SPTLC1: variants seen among roughly 807,000 people sequenced by gnomAD.
SPTLC1 encodes serine palmitoyltransferase long chain base subunit 1, also known as serine palmitoyltransferase 1.
Under a neutral mutation model 68.9 loss-of-function variants are expected in SPTLC1, and 55 were observed. The ratio of observed to expected loss-of-function variants is 0.80; its 90% CI spans 0.64 to 1.00. The LOEUF (loss-of-function observed/expected upper bound fraction) is 1.00, where lower values mean the gene tolerates loss of function less well. Ranked by LOEUF, SPTLC1 falls within the 50% of genes least tolerant of loss-of-function variation. SPTLC1 has a pLI of 0.00. For synonymous variants in SPTLC1, 197 were observed against 201.6 expected, an observed-to-expected ratio of 0.98 and a Z score of 0.19; for missense variants, 449 against 573.1, an observed-to-expected ratio of 0.78 and a Z score of 2.21.
Position 92,085,702 on chromosome 9 carries a change from A to G in SPTLC1, c.261-4739T>C, listed in dbSNP as rs567751965. Reference sequence around the variant, plus strand: ...TGGAATAGGTGTGGTGTGGTGCTGAAAAAAATGTATATTCTGTTGATTTGG... The same window carrying G: ...TGGAATAGGTGTGGTGTGGTGCTGAGAAAAATGTATATTCTGTTGATTTGG... On this transcript the variant is annotated intron_variant, in intron 3 of 14. Transcript: ENST00000262554. Among the ~76,000 whole-genome samples the G allele has an allele frequency of 2.6e-5, 4 of 151,990 alleles. No individual in the cohort carries two copies. In the South Asian group the frequency reaches 6.3e-4, roughly 24 times the overall value.
At chr9:92,086,794 T>C (rs1177923510) in intron 3 of SPTLC1, among the ~76,000 whole-genome samples, 4 of 152,336 alleles carry the variant, frequency 2.6e-5, no homozygotes, top group East Asian at 3.9e-4. Context: ...TGGCCTGCCT[T>C]GCTAGATTGG....
chr9:92,081,842 G>GA (rs1834896332), intron 3 of SPTLC1, among the ~76,000 whole-genome samples: 1 of 152,116 alleles, frequency 6.6e-6, no homozygotes, highest in Non-Finnish European at 1.5e-5. Flanking sequence ...ACTGTAGCCA[G>GA]AAAAAATGGA....
chr9:92,103,056 G>A (rs866727814), intron 3 of SPTLC1, among the ~76,000 whole-genome samples: 13 of 152,318 alleles, frequency 8.5e-5, no homozygotes, highest in Middle Eastern at 6.8e-3. Context: ...CTATGAACTC[G>A]TAAATAATGT....
At chr9:92,059,042 C>T (rs1833994418) in intron 7 of SPTLC1, 137 bp downstream of exon 7, 4 of 1,035,002 alleles carry the variant, frequency 3.9e-6, no homozygotes, top group Admixed American at 2.2e-5. Flanking sequence ...ACACCAAGTA[C>T]ATTTAATAAG....
intron 8 of SPTLC1, among the ~76,000 whole-genome samples, chr9:92,054,801 T>G (rs1438285395): frequency 2.0e-5 from 3 of 152,186 alleles, no homozygotes; most frequent in African/African-American, 7.2e-5. Context: ...TAGTTCCAGC[T>G]ACTCGGGAGG....
At chr9:92,070,965 A>AT (rs756076843) in intron 5 of SPTLC1, among the ~76,000 whole-genome samples, 1 of 152,078 alleles carries the variant, frequency 6.6e-6, no homozygotes, top group Non-Finnish European at 1.5e-5. Flanking sequence ...CAAGGAGGAG[A>AT]GATTACGGCC....
intron 5 of SPTLC1, among the ~76,000 whole-genome samples, chr9:92,072,250 G>A (rs568568339): frequency 2.0e-5 from 3 of 152,108 alleles, no homozygotes; most frequent in East Asian, 1.9e-4. Flanking sequence ...CAGCCCCCGC[G>A]AACACTCCCA....
At chr9:92,041,873 TA>T (rs1047445245) in intron 12 of SPTLC1, among the ~76,000 whole-genome samples, 7 of 151,896 alleles carry the variant, frequency 4.6e-5, no homozygotes, top group Admixed American at 2.6e-4. Flanking sequence ...TTAATAGATG[TA>T]AAAAAAATGG....
chr9:92,059,066 A>G, intron 7 of SPTLC1, 113 bp downstream of exon 7: 2 of 1,256,270 alleles, frequency 1.6e-6, no homozygotes, highest in Non-Finnish European at 2.2e-6. Context: ...GAACACCTTA[A>G]TATCCAAATG....
chr9:92,069,416 C>T (rs1405671600), intron 5 of SPTLC1, among the ~76,000 whole-genome samples: 1 of 152,140 alleles, frequency 6.6e-6, no homozygotes. Context: ...TTTCATTACA[C>T]CAACATTAAA....
intron 8 of SPTLC1, among the ~76,000 whole-genome samples, chr9:92,052,655 G>A (rs990644528): frequency 7.3e-5 from 11 of 151,268 alleles, no homozygotes; most frequent in African/African-American, 2.4e-4. Flanking sequence ...TCAGCCTCCC[G>A]AGTAGCTGGG....
At chr9:92,108,581 A>G (rs1282742897) in intron 3 of SPTLC1, 159 bp downstream of exon 3, 11 of 926,402 alleles carry the variant, frequency 1.2e-5, no homozygotes, top group Non-Finnish European at 1.8e-5. Context: ...TCATCCCTAG[A>G]ATAAATTTTT....
At chr9:92,103,682 C>T (rs1188652945) in intron 3 of SPTLC1, among the ~76,000 whole-genome samples, 1 of 152,242 alleles carries the variant, frequency 6.6e-6, no homozygotes, top group Non-Finnish European at 1.5e-5. Context: ...GCCCTTGAGG[C>T]CACGGCAGCC....
intron 3 of SPTLC1, among the ~76,000 whole-genome samples, chr9:92,097,385 A>ATTATTTT (rs1835567562): frequency 6.6e-6 from 1 of 152,224 alleles, no homozygotes; most frequent in Admixed American, 6.5e-5. Flanking sequence ...TAGCAGTTTT[A>ATTATTTT]TTATTTTTTA....
chr9:92,115,189 G>A (rs1216536113), intron 1 of SPTLC1, 125 bp downstream of exon 1: 19 of 808,024 alleles, frequency 2.4e-5, no homozygotes, highest in Non-Finnish European at 3.5e-5. Context: ...CTTCCAGCAA[G>A]AGGCACCGAG....
At chr9:92,090,348 C>A (rs1835310881) in intron 3 of SPTLC1, among the ~76,000 whole-genome samples, 1 of 152,300 alleles carries the variant, frequency 6.6e-6, no homozygotes, top group South Asian at 2.1e-4. Context: ...GTGGCTCATG[C>A]CCGCAATCCC....
chr9:92,051,674 A>AAATT (rs1833708756), intron 8 of SPTLC1, among the ~76,000 whole-genome samples: 1 of 152,220 alleles, frequency 6.6e-6, no homozygotes. Flanking sequence ...GAAACAAGTA[A>AAATT]AATTATCTCT....
intron 7 of SPTLC1, 56 bp from the exon 8 acceptor site, chr9:92,055,550 T>C: frequency 6.5e-7 from 1 of 1,527,992 alleles, no homozygotes; most frequent in Non-Finnish European, 9.0e-7. Flanking sequence ...AGACAAGATC[T>C]GTTACATATT....
chr9:92,096,667 A>G (rs1030374145), intron 3 of SPTLC1, among the ~76,000 whole-genome samples: 3 of 152,198 alleles, frequency 2.0e-5, no homozygotes, highest in African/African-American at 7.2e-5. Flanking sequence ...TCTACCTCAC[A>G]CCATATACAA....
Sources: allele counts gnomAD v4.1 joint callset (sites outside exome capture counted in the v4.1 genomes callset), GRCh38; gene constraint gnomAD v4.1.1; transcripts MANE v1.5; gene names NCBI Gene and HGNC (gene_info 2026-07-23, HGNC 2026-07-21).